Variants in MYT1L observed in about 807,000 individuals in gnomAD.
The protein encoded by MYT1L is myelin transcription factor 1 like, also known as myelin transcription factor 1-like protein.
MYT1L carries 12 observed loss-of-function variants against 126.7 expected under a neutral mutation model. The ratio of observed to expected loss-of-function variants is 0.09; its 90% confidence interval spans 0.06 to 0.15. The LOEUF (loss-of-function observed/expected upper bound fraction) is 0.15, where lower values mean the gene tolerates loss of function less well. MYT1L is among the 10% of genes least tolerant of loss of function. The pLI is 1.00. For synonymous variants in MYT1L, 541 were observed against 604.2 expected, an observed-to-expected ratio of 0.90 and a Z score of 1.53; for missense variants, 979 against 1,585.2, an observed-to-expected ratio of 0.62 and a Z score of 6.49.
chr2:1,994,878 AT>A (rs951501754), intron 5 of MYT1L, among the ~76,000 whole-genome samples: 9 of 152,122 alleles, frequency 5.9e-5, no homozygotes, highest in African/African-American at 2.2e-4. Context: ...ATTCTTTTTA[AT>A]TTTTTTAAAT....
intron 3 of MYT1L, among the ~76,000 whole-genome samples, chr2:2,111,609 T>C (rs998930072): frequency 6.6e-6 from 1 of 152,220 alleles, no homozygotes; most frequent in South Asian, 2.1e-4. Flanking sequence ...CTGTAGTGAA[T>C]AGGGCAGTTA....
chr2:1,902,013 C>T (rs1244165714), intron 14 of MYT1L, among the ~76,000 whole-genome samples: 1 of 152,182 alleles, frequency 6.6e-6, no homozygotes. Context: ...AAACTATTTC[C>T]TTCCCCTGTG....
intron 4 of MYT1L, among the ~76,000 whole-genome samples, chr2:2,013,851 C>T (rs924553149): frequency 1.3e-5 from 2 of 152,228 alleles, no homozygotes; most frequent in Non-Finnish European, 2.9e-5. Flanking sequence ...TGCTGCTGCA[C>T]GGAGGCCTGC....
intron 9 of MYT1L, among the ~76,000 whole-genome samples, chr2:1,942,745 A>G (rs572982783): frequency 6.6e-6 from 1 of 152,238 alleles, no homozygotes; most frequent in African/African-American, 2.4e-5. Flanking sequence ...ATCTCAGTAA[A>G]TTACTGACAA....
intron 1 of MYT1L, among the ~76,000 whole-genome samples, chr2:2,296,175 T>C (rs1442746565): frequency 6.6e-6 from 1 of 152,226 alleles, no homozygotes; most frequent in Non-Finnish European, 1.5e-5. Context: ...AGCTTTGCTA[T>C]AAAAGTCACC....
In MYT1L at chr2:2,005,237, C is replaced by CTCCTGTAGGCGTTCTT. The variant is rs1486839503; in HGVS notation, c.-157-7891_-157-7890insAAGAACGCCTACAGGA. On this transcript the variant is annotated intron_variant, in intron 4 of 24. Transcript: ENST00000647738. ...ATATGTTCTTTCCTGCGTGCCTTCT[C>CTCCTGTAGGCGTTCTT]TCCTGCAGGCGTTCTTTCCTGCATA... is the stretch of plus-strand genomic sequence containing the variant. Among the ~76,000 whole-genome samples, 17 of 10,122 alleles carry CTCCTGTAGGCGTTCTT rather than the reference C, an allele frequency of 1.7e-3. 1 individual carries two copies. Among genetic ancestry groups the CTCCTGTAGGCGTTCTT allele is most frequent in the African/African-American group, 5.5e-3 (15 of 2,710 alleles). The allele number at this position is 10,122 out of a possible 152,430, so 6.6% of individuals were successfully genotyped here. A position where few individuals can be genotyped will look rare whatever the true frequency, so the allele number is the denominator to read the frequency against.
At chr2:1,871,585 G>A (rs1378340840) in intron 18 of MYT1L, among the ~76,000 whole-genome samples, 1 of 152,212 alleles carries the variant, frequency 6.6e-6, no homozygotes, top group East Asian at 1.9e-4. Context: ...AAGCCCAGGT[G>A]GCTAGAGGGG....
At chr2:2,199,850 C>T (rs1254606160) in intron 2 of MYT1L, among the ~76,000 whole-genome samples, 1 of 152,198 alleles carries the variant, frequency 6.6e-6, no homozygotes, top group East Asian at 1.9e-4. Context: ...ACACACAGTA[C>T]CCCTCACGGA....
intron 19 of MYT1L, among the ~76,000 whole-genome samples, chr2:1,845,249 C>G (rs2042343387): frequency 6.6e-6 from 1 of 152,092 alleles, no homozygotes; most frequent in Non-Finnish European, 1.5e-5. Context: ...GCTGGGATTA[C>G]AGGCGTGAGC....
intron 4 of MYT1L, among the ~76,000 whole-genome samples, chr2:2,002,420 A>G (rs142629218): frequency 1.3e-5 from 2 of 152,142 alleles, no homozygotes; most frequent in African/African-American, 4.8e-5. Flanking sequence ...GTAGAATTCA[A>G]TTTCAAAACT....
At chr2:1,952,801 C>T (rs2057944079) in intron 8 of MYT1L, among the ~76,000 whole-genome samples, 1 of 57,592 alleles carries the variant, frequency 1.7e-5, no homozygotes. Flanking sequence ...CCCTCCTTCT[C>T]TCCCTCCCTC....
At chr2:1,831,364 C>A (rs543483501) in intron 21 of MYT1L, among the ~76,000 whole-genome samples, 4 of 152,216 alleles carry the variant, frequency 2.6e-5, no homozygotes, top group Non-Finnish European at 5.9e-5. Flanking sequence ...TAAACCATTT[C>A]TTCCTCCTGG....
chr2:2,245,266 T>C (rs377687174), intron 2 of MYT1L, among the ~76,000 whole-genome samples: 1 of 152,072 alleles, frequency 6.6e-6, no homozygotes, highest in East Asian at 2.0e-4. Context: ...CTCCAACACC[T>C]ACATCAAAGC....
At chr2:2,261,673 C>T (rs1000526295) in intron 2 of MYT1L, among the ~76,000 whole-genome samples, 5 of 152,170 alleles carry the variant, frequency 3.3e-5, no homozygotes, top group Non-Finnish European at 5.9e-5. Context: ...GATACAAAAA[C>T]AACGTCCACA....
chr2:2,001,168 A>G (rs1007824755), intron 4 of MYT1L, among the ~76,000 whole-genome samples: 6 of 128,240 alleles, frequency 4.7e-5, no homozygotes, highest in Non-Finnish European at 6.8e-5. Context: ...CTTTATCACT[A>G]TTAGTTTTTT....
At chr2:1,882,222 T>C (rs2047650234) in intron 18 of MYT1L, among the ~76,000 whole-genome samples, 1 of 152,172 alleles carries the variant, frequency 6.6e-6, no homozygotes, top group Admixed American at 6.5e-5. Context: ...TCAATCCCCG[T>C]GCCCTGGGCC....
intron 22 of MYT1L, among the ~76,000 whole-genome samples, chr2:1,802,407 G>A (rs191976854): frequency 1.3e-4 from 20 of 152,286 alleles, no homozygotes; most frequent in African/African-American, 4.1e-4. Flanking sequence ...GGGGCTGGCC[G>A]GAGGGAGATG....
In MYT1L at chr2:1,998,084, C is replaced by T. The variant is rs530258093; in HGVS notation, c.-157-737G>A. Among the ~76,000 whole-genome samples the T allele has an allele frequency of 2.0e-5, 3 of 152,282 alleles. No homozygotes were observed. The South Asian group carries it at 6.2e-4, about 32-fold the overall frequency. ...TGTCCCTACACATGCTCAGGAAGGA[C>T]CCACAACGCTGAGACACGGGTCAGG... is the stretch of plus-strand genomic sequence containing the variant. On this transcript the variant is annotated intron_variant, in intron 4 of 24. Coordinates refer to ENST00000647738, the MANE Select transcript of MYT1L (RefSeq NM_001303052.2).
intron 18 of MYT1L, among the ~76,000 whole-genome samples, chr2:1,868,398 T>C (rs1208718933): frequency 6.6e-6 from 1 of 152,208 alleles, no homozygotes; most frequent in Non-Finnish European, 1.5e-5. Context: ...TCTGTTGTTA[T>C]GTAAGCTATA....
Sources: gnomAD v4.1 joint callset for allele counts (sites outside exome capture counted in the v4.1 genomes callset) on GRCh38, gnomAD v4.1.1 for gene constraint, MANE v1.5 for transcripts, NCBI Gene and HGNC (gene_info 2026-07-23, HGNC 2026-07-21) for gene names.